Variants in R3HDM1 observed in about 807,000 individuals in gnomAD.
R3HDM1 encodes R3H domain-containing protein 1.
In R3HDM1, 46 loss-of-function variants were observed where a neutral mutation model predicts 141.1. The observed-to-expected ratio is 0.33, with a 90% CI of 0.26 to 0.42. The LOEUF is 0.42. Ranked by LOEUF, R3HDM1 falls within the 10% of genes least tolerant of loss-of-function variation. The pLI is 1.00. For synonymous variants in R3HDM1, 435 were observed against 472.9 expected (o/e 0.92, Z 1.04); for missense variants, 1,184 against 1,368.3 (o/e 0.87, Z 2.12).
intron 3 of R3HDM1, among the ~76,000 whole-genome samples, chr2:135,612,898 C>T (rs1055591791): frequency 6.6e-6 from 1 of 152,124 alleles, no homozygotes; most frequent in Non-Finnish European, 1.5e-5. Flanking sequence ...TAATAAACAA[C>T]TTGTTTTCTC....
intron 7 of R3HDM1, among the ~76,000 whole-genome samples, chr2:135,627,876 GC>G (rs1383273565): frequency 1.3e-5 from 2 of 151,954 alleles, no homozygotes; most frequent in Admixed American, 1.3e-4. Flanking sequence ...TTTTTTATTT[GC>G]CACTGGTATA....
At chr2:135,658,534 A>G (rs1430080053) in intron 18 of R3HDM1, among the ~76,000 whole-genome samples, 1 of 152,148 alleles carries the variant, frequency 6.6e-6, no homozygotes, top group African/African-American at 2.4e-5. Flanking sequence ...CAGGACTGTA[A>G]GTTGTTCTAG....
intron 1 of R3HDM1, among the ~76,000 whole-genome samples, chr2:135,540,849 A>T (rs1697323107): frequency 6.6e-6 from 1 of 152,224 alleles, no homozygotes; most frequent in Non-Finnish European, 1.5e-5. Flanking sequence ...TAAATATGAG[A>T]CTTAAAAATA....
At chr2:135,533,846 C>A in intron 1 of R3HDM1, 1 of 322,860 alleles carries the variant, frequency 3.1e-6, no homozygotes, top group Non-Finnish European at 4.5e-6. Context: ...GAACTCCAGT[C>A]TGGGCAACAA....
chr2:135,622,123 T>G lies in R3HDM1; in HGVS notation c.418+515T>G, dbSNP rs908374982. 82 of 982,372 alleles carry G rather than the reference T, an allele frequency of 8.3e-5. 1 individual carries two copies. The highest frequency in any genetic ancestry group is 8.7e-5 in the Non-Finnish European group (72 of 827,292). 60.9% of individuals were successfully genotyped at this position (982,372 alleles called of 1,614,324 possible). On this transcript the variant is annotated intron_variant, in intron 6 of 26. Coordinates refer to ENST00000683871, the MANE Select transcript of R3HDM1 (RefSeq NM_001378107.1). The stretch of plus-strand genomic sequence containing the variant: ...TATAAATAGTATAAAGATACTACAT[T>G]TAAGGCGAAGATAGCATGAATATTT...
At position 135,724,182 on chromosome 2, in the gene R3HDM1, G is replaced by A; in HGVS notation, c.3295G>A (p.Ala1099Thr). Reference sequence around the variant, plus strand: ...CTTAGCCACATTCCCCTCCATTTCAGCTGCACAGAATGCACTGAAGAAACA... The same window carrying A: ...CTTAGCCACATTCCCCTCCATTTCAACTGCACAGAATGCACTGAAGAAACA... ...TVLATFPSIS[A>T]AQNALKKQIN... Residue 1099 changes from alanine (A) to threonine (T), a missense_variant, in exon 27 of 27, where the codon GCT becomes ACT. Transcript: ENST00000683871. 6.2e-7 allele frequency: 1 copy of A among 1,614,046 alleles called. No individual in the cohort carries two copies. Among genetic ancestry groups the A allele is most frequent in the African/African-American group, 1.3e-5 (1 of 75,030 alleles).
rs184582105 is a variant in R3HDM1, at chr2:135,589,329, C to T, written c.-249-13171C>T. Among the ~76,000 whole-genome samples the T allele has an allele frequency of 2.7e-3, 409 of 152,266 alleles. 2 individuals are homozygous for T. Among genetic ancestry groups the T allele is most frequent in the Admixed American group, 4.0e-3 (61 of 15,288 alleles). ...GTCATTTTCACATACAGCTCTTCCT[C>T]CTCTGAAATTATGTAGCATTCCTTG... is the stretch of plus-strand genomic sequence containing the variant. On this transcript the variant is annotated intron_variant, in intron 1 of 26. Coordinates refer to ENST00000683871, the MANE Select transcript of R3HDM1 (RefSeq NM_001378107.1).
Position 135,710,350 on chromosome 2 carries a change from C to T in R3HDM1, c.2736+119C>T, listed in dbSNP as rs139059619. On this transcript the variant is annotated intron_variant, in intron 23 of 26. Coordinates refer to ENST00000683871, the MANE Select transcript of R3HDM1 (RefSeq NM_001378107.1). The stretch of plus-strand genomic sequence containing the variant: ...GATTAATAAAAGAATTTGGGCCAGG[C>T]GCGGTGGCTCTCCCCTGTAATCCCA... 2.9e-3 allele frequency: 3,064 copies of T among 1,042,912 alleles called. 75 individuals carry two copies. In the South Asian group the frequency reaches 0.032, roughly 11 times the overall value. The allele number at this position is 1,042,912 out of a possible 1,614,324, so 64.6% of individuals were successfully genotyped here. A position where few individuals can be genotyped will look rare whatever the true frequency, so the allele number is the denominator to read the frequency against.
intron 21 of R3HDM1, among the ~76,000 whole-genome samples, chr2:135,680,873 A>G (rs1211076334): frequency 6.6e-6 from 1 of 152,234 alleles, no homozygotes; most frequent in Admixed American, 6.5e-5. Flanking sequence ...CCTAAAAATT[A>G]GGCCAATCTT....
At chr2:135,626,055 G>T (rs1354332713) in intron 7 of R3HDM1, among the ~76,000 whole-genome samples, 1 of 152,220 alleles carries the variant, frequency 6.6e-6, no homozygotes, top group African/African-American at 2.4e-5. Context: ...CTTGGAACTG[G>T]TGTCTGAAGT....
At chr2:135,638,573 A>G (rs779109162) in intron 11 of R3HDM1, 45 bp from the exon 12 acceptor site, 2 of 1,542,676 alleles carry the variant, frequency 1.3e-6, no homozygotes, top group Non-Finnish European at 1.8e-6. Flanking sequence ...GCATTACGTT[A>G]TATTTGACAA....
chr2:135,607,588 C>T (rs956948433), intron 3 of R3HDM1, among the ~76,000 whole-genome samples: 1 of 152,192 alleles, frequency 6.6e-6, no homozygotes, highest in African/African-American at 2.4e-5. Context: ...AGAAAATCTG[C>T]TAAAATTCTA....
At chr2:135,547,655 C>T (rs1423224420) in intron 1 of R3HDM1, among the ~76,000 whole-genome samples, 6 of 150,670 alleles carry the variant, frequency 4.0e-5, no homozygotes, top group Non-Finnish European at 8.8e-5. Flanking sequence ...GGCTCCTTCT[C>T]TTGTTTTTTA....
In R3HDM1 at chr2:135,565,722, T is replaced by TC. The variant is rs1702636479; in HGVS notation, c.-250+34090dup. ...GCCAGACTTGATTTTCTTTTTTTTT[T>TC]CTTGTTTTTTGCAGTTTCAACAGTA... On this transcript the variant is annotated intron_variant, in intron 1 of 26. Transcript: ENST00000683871. 2 of 152,186 alleles carry TC rather than the reference T, an allele frequency of 1.3e-5. 1 individual carries two copies. The highest frequency in any genetic ancestry group is 4.1e-4 in the South Asian group (2 of 4,912). 9.4% of individuals were successfully genotyped at this position (152,186 alleles called of 1,614,324 possible). A position where few individuals can be genotyped will look rare whatever the true frequency, so the allele number is the denominator to read the frequency against.
At position 135,631,772 on chromosome 2, in the gene R3HDM1, T is replaced by C; in HGVS notation, c.552T>C (p.Asn184=). 1 of 1,571,710 alleles carries C rather than the reference T, an allele frequency of 6.4e-7. No individual in the cohort carries two copies. Among genetic ancestry groups the C allele is most frequent in the Non-Finnish European group, 8.6e-7 (1 of 1,163,174 alleles). The change falls in exon 8 of 27, where the codon AAT becomes AAC. Residue 184 remains asparagine (N), a synonymous_variant. Coordinates refer to ENST00000683871, the MANE Select transcript of R3HDM1 (RefSeq NM_001378107.1). The part of the protein sequence containing the change: ...LEQEILDFIG[N]NESPRKKFPP... ...AAGAAATTTTAGATTTCATTGGTAA[T>C]AATGAGTAAGTCCTGACATTCAACA...
intron 1 of R3HDM1, among the ~76,000 whole-genome samples, chr2:135,571,928 C>T (rs1224487540): frequency 1.3e-5 from 2 of 152,102 alleles, no homozygotes; most frequent in African/African-American, 4.8e-5. Context: ...ATGTGGCCTG[C>T]AGAATTTTAT....
chr2:135,673,120 A>G (rs2068649287), intron 19 of R3HDM1, among the ~76,000 whole-genome samples: 1 of 151,864 alleles, frequency 6.6e-6, no homozygotes, highest in Non-Finnish European at 1.5e-5. Context: ...ACAAACAAAA[A>G]GAATAAGATA....
chr2:135,631,693 T>C (rs1299883877), intron 7 of R3HDM1, 25 bp from the exon 8 acceptor site: 3 of 1,541,118 alleles, frequency 1.9e-6, no homozygotes, highest in East Asian at 2.3e-5. Context: ...GTTTTACATA[T>C]AAGAGTCTTC....
intron 1 of R3HDM1, among the ~76,000 whole-genome samples, chr2:135,547,684 A>G (rs935914108): frequency 4.0e-5 from 6 of 151,264 alleles, no homozygotes; most frequent in African/African-American, 9.7e-5. Context: ...TGTCTAGGTA[A>G]TAGTCTGAGA....
Sources: allele counts gnomAD v4.1 joint callset (sites outside exome capture counted in the v4.1 genomes callset), GRCh38; gene constraint gnomAD v4.1.1; transcripts MANE v1.5; gene names NCBI Gene and HGNC (gene_info 2026-07-23, HGNC 2026-07-21).